CYP3A7: variants seen among roughly 807,000 people sequenced by gnomAD.
CYP3A7 encodes cytochrome P450 3A7.
Under a neutral mutation model 55.2 loss-of-function variants are expected in CYP3A7, and 45 were observed. That is an observed-to-expected ratio of 0.82 (90% confidence interval 0.64 to 1.05). CYP3A7 has a LOEUF of 1.05. CYP3A7 is among the 50% of genes least tolerant of loss of function. The pLI, the probability that CYP3A7 is intolerant of heterozygous loss-of-function variation, is 0.00. For missense variants in CYP3A7, 548 were observed against 605.3 expected (o/e 0.91, Z 0.99); for synonymous variants, 180 against 207.4 (o/e 0.87, Z 1.13).
At chr7:99,711,020 C>T (rs1813729616) in intron 9 of CYP3A7, 128 bp from the exon 10 acceptor site, 5 of 1,485,974 alleles carry the variant, frequency 3.4e-6, no homozygotes, top group Admixed American at 1.9e-5. Flanking sequence ...TTCAGAGTCT[C>T]ACTGGGGGTG....
rs1229337239 is a variant in CYP3A7, at chr7:99,735,140, A to G, written c.-47T>C. 1 of 1,611,756 alleles carries G rather than the reference A, an allele frequency of 6.2e-7. No homozygotes were observed. The highest frequency in any genetic ancestry group is 8.5e-7 in the Non-Finnish European group (1 of 1,178,514). On this transcript the variant is annotated 5_prime_UTR_variant, in exon 1 of 13. Transcript: ENST00000336374. ...CTCTCCTCTGAGTCTTTTTTTCAGC[A>G]GCGTGCTGCTGTTTGCTGGGCTGTG... is the stretch of plus-strand genomic sequence containing the variant.
intron 4 of CYP3A7, among the ~76,000 whole-genome samples, chr7:99,719,422 C>T (rs1584515144): frequency 6.6e-6 from 1 of 151,982 alleles, no homozygotes; most frequent in East Asian, 1.9e-4. Context: ...CAACTACAAG[C>T]CACAAAAAAT....
At chr7:99,722,498 A>G (rs1407429523) in intron 2 of CYP3A7, 150 bp from the exon 3 acceptor site, 1 of 962,894 alleles carries the variant, frequency 1.0e-6, no homozygotes, top group Non-Finnish European at 1.5e-6. Flanking sequence ...GAGAAAGGAA[A>G]CAAAATAGAG....
chr7:99,717,557 G>A lies in CYP3A7; in HGVS notation c.401C>T (p.Ser134Phe). ...EEWKRIRSLL[S>F]PTFTSGKLKE... The stretch of plus-strand genomic sequence containing the variant: ...GAGTTTTCCGCTGGTGAATGTTGGA[G>A]ACAGCAATGATCGTATTCTCTTCCA... Residue 134 changes from serine to phenylalanine, a missense_variant, in exon 5 of 13, where the codon TCT becomes TTT. By Grantham distance (155) the Ser-to-Phe change is radical. Coordinates refer to ENST00000336374, the MANE Select transcript of CYP3A7 (RefSeq NM_000765.5). The A allele has an allele frequency of 6.2e-7, 1 of 1,613,694 alleles. No homozygotes were observed. The highest frequency in any genetic ancestry group is 1.7e-5 in the Admixed American group (1 of 59,982).
At position 99,715,283 on chromosome 7, in the gene CYP3A7, A is replaced by T. The variant is rs1813896954; in HGVS notation, c.670+475T>A. The T allele has an allele frequency of 1.7e-5, 3 of 180,988 alleles. No individual in the cohort carries two copies. In the South Asian group the frequency reaches 3.5e-4, roughly 21 times the overall value. The allele number at this position is 180,988 out of a possible 1,614,324, so 11.2% of individuals were successfully genotyped here. On this transcript the variant is annotated intron_variant, in intron 7 of 12. Coordinates refer to ENST00000336374, the MANE Select transcript of CYP3A7 (RefSeq NM_000765.5). ...CAAACAAGTGCCCAGAGGGAAATTT[A>T]TAGTTGTAATGTCTAAATTTAGAGG... is the stretch of plus-strand genomic sequence containing the variant.
rs776103784 is a variant in CYP3A7 at position 99,710,848 on chromosome 7, A to C, written c.910T>G (p.Phe304Val). 1 of 1,613,814 alleles carries C rather than the reference A, an allele frequency of 6.2e-7. No homozygotes were observed. Among genetic ancestry groups the C allele is most frequent in the Non-Finnish European group, 8.5e-7 (1 of 1,179,834 alleles). The part of the protein sequence containing the change: ...ELMAQSIIFI[F>V]AGYETTSSVL... ...CTGCTCGTGGTTTCATAGCCAGCAA[A>C]AATAAAGATAATTGATTGGGCCATG... Residue 304 changes from phenylalanine (F) to valine (V), a missense_variant, in exon 10 of 13, where the codon TTT becomes GTT. Physicochemically the swap from Phe to Val is conservative, Grantham distance 50 (BLOSUM62 -1). Coordinates refer to ENST00000336374, the MANE Select transcript of CYP3A7 (RefSeq NM_000765.5).
rs754511331 is a variant in CYP3A7, at chr7:99,720,307, G to A, written c.318+6C>T. The stretch of plus-strand genomic sequence containing the variant: ...AGTATTTTAATTTCAAAAAATGGAT[G>A]CTTACCCTCCGGTTTGTGAAGACAG... On this transcript the variant is annotated splice_donor_region_variant and intron_variant, in intron 4 of 12. Coordinates refer to ENST00000336374, the MANE Select transcript of CYP3A7 (RefSeq NM_000765.5). 1 of 1,612,186 alleles carries A rather than the reference G, an allele frequency of 6.2e-7. No homozygotes were observed. Among genetic ancestry groups the A allele is most frequent in the Non-Finnish European group, 8.5e-7 (1 of 1,179,642 alleles).
chr7:99,725,839 C>T (rs578021053), intron 2 of CYP3A7, among the ~76,000 whole-genome samples: 2 of 152,164 alleles, frequency 1.3e-5, no homozygotes, highest in Non-Finnish European at 2.9e-5. Context: ...CCTGTGTAAT[C>T]GATAGGGGGG....
chr7:99,734,127 A>G (rs1385050697), intron 1 of CYP3A7, among the ~76,000 whole-genome samples: 1 of 152,222 alleles, frequency 6.6e-6, no homozygotes, highest in African/African-American at 2.4e-5. Context: ...TTCATGTTAA[A>G]TTGCCAGTAG....
In CYP3A7 at chr7:99,710,758, C is replaced by A. The variant is rs147031398; in HGVS notation, c.1000G>T (p.Glu334Ter). Residue 334 changes from glutamate to a stop codon, truncating the protein, a stop_gained, in exon 10 of 13, where the codon GAA becomes TAA. Transcript: ENST00000336374. LOFTEE classifies it high-confidence loss of function. ...HPDVQQKVQK[E>*]IDTVLPNKAP... ...TTATTGGGTAAAACTGTATCAATTT[C>A]CTTCTGCACTTTCTGCTGGACATCA... The A allele has an allele frequency of 1.2e-6, 2 of 1,613,940 alleles. No homozygotes were observed. The highest frequency in any genetic ancestry group is 1.7e-5 in the Admixed American group (1 of 59,978).
At chr7:99,719,488 G>C (rs1814099020) in intron 4 of CYP3A7, among the ~76,000 whole-genome samples, 1 of 152,090 alleles carries the variant, frequency 6.6e-6, no homozygotes, top group Admixed American at 6.6e-5. Context: ...ATAGATAGTA[G>C]AGTTACATTT....
At chr7:99,710,238 A>G (rs1440764455) in intron 10 of CYP3A7, among the ~76,000 whole-genome samples, 1 of 152,192 alleles carries the variant, frequency 6.6e-6, no homozygotes, top group African/African-American at 2.4e-5. Flanking sequence ...ATAGAGTTTA[A>G]GAGTTTAGCT....
Position 99,714,560 on chromosome 7 carries a change from G to C in CYP3A7, c.793C>G (p.Gln265Glu), listed in dbSNP as rs765639246. Reference protein sequence around the residue: ...QIKEGRLKETQKHRVDFLQLM... With the variant: ...QIKEGRLKETEKHRVDFLQLM... ...TAACTACCACCACGTTTTACCTTTTGTGTCTCTTTGAGGCGACCTTCTTTT... is the reference window on the plus strand; with the variant it reads ...TAACTACCACCACGTTTTACCTTTTCTGTCTCTTTGAGGCGACCTTCTTTT... The change falls in exon 8 of 13, where the codon CAA becomes GAA. Residue 265 changes from glutamine (Q) to glutamate (E), a missense_variant. Coordinates refer to ENST00000336374, the MANE Select transcript of CYP3A7 (RefSeq NM_000765.5). 8 of 1,612,472 alleles carry C rather than the reference G, an allele frequency of 5.0e-6. No individual in the cohort carries two copies. The highest frequency in any genetic ancestry group is 1.7e-5 in the Admixed American group (1 of 59,902).
At chr7:99,717,362 T>G in intron 5 of CYP3A7, 97 bp from the exon 6 acceptor site, 7 of 1,605,214 alleles carry the variant, frequency 4.4e-6, no homozygotes, top group Non-Finnish European at 6.0e-6. Flanking sequence ...AGTGACATTG[T>G]ATAATGAATT....
intron 12 of CYP3A7, among the ~76,000 whole-genome samples, chr7:99,706,267 C>T (rs1029406273): frequency 6.6e-6 from 1 of 152,250 alleles, no homozygotes; most frequent in Admixed American, 6.5e-5. Context: ...TTCTGATCTC[C>T]ATGGAGTGAT....
rs1169630399 is a variant in CYP3A7 at position 99,717,608 on chromosome 7, G to A, written c.350C>T (p.Ala117Val). The A allele has an allele frequency of 6.2e-7, 1 of 1,613,616 alleles. No individual in the cohort carries two copies. Residue 117 changes from alanine to valine, a missense_variant, in exon 5 of 13, where the codon GCC becomes GTC. Ala to Val is a moderately conservative substitution (Grantham distance 64). Transcript: ENST00000336374. Reference protein sequence around the residue: ...PFGPVGFMKNAISIAEDEEWK... With the variant: ...PFGPVGFMKNVISIAEDEEWK... ...TTCTTCATCCTCAGCTATAGAGATG[G>A]CATTTTTCATAAATCCCACTGGCCC...
intron 2 of CYP3A7, among the ~76,000 whole-genome samples, chr7:99,723,276 G>T (rs1350473680): frequency 6.6e-6 from 1 of 152,124 alleles, no homozygotes; most frequent in African/African-American, 2.4e-5. Flanking sequence ...GTTCCATTAT[G>T]ACTTGTTACT....
intron 10 of CYP3A7, among the ~76,000 whole-genome samples, chr7:99,709,554 A>G (rs1403330752): frequency 6.6e-6 from 1 of 152,200 alleles, no homozygotes; most frequent in East Asian, 1.9e-4. Context: ...GGAAGCAAAC[A>G]TGACTAATAG....
intron 2 of CYP3A7, among the ~76,000 whole-genome samples, chr7:99,728,545 A>G (rs1156342557): frequency 6.6e-6 from 1 of 152,050 alleles, no homozygotes; most frequent in East Asian, 1.9e-4. Flanking sequence ...TTCACTTTGC[A>G]TTTCCAGTTT....
Sources: allele counts gnomAD v4.1 joint callset (sites outside exome capture counted in the v4.1 genomes callset), GRCh38; gene constraint gnomAD v4.1.1; transcripts MANE v1.5; gene names NCBI Gene and HGNC (gene_info 2026-07-23, HGNC 2026-07-21).